The following TMEM218 variants were observed in gnomAD, a reference collection of about 807,000 sequenced individuals.
The protein encoded by TMEM218 is transmembrane protein 218.
In TMEM218, 8 loss-of-function variants were observed where a neutral mutation model predicts 10.0. The observed-to-expected ratio is 0.80, with a 90% CI of 0.47 to 1.44. The LOEUF (loss-of-function observed/expected upper bound fraction) is 1.44, where lower values mean the gene tolerates loss of function less well. Among genes scored for constraint, TMEM218 ranks in the 40% most tolerant of loss-of-function variants. The probability of loss-of-function intolerance (pLI) is 0.00; values close to 1 mark genes in which losing one functional copy is unlikely to be tolerated. For synonymous variants in TMEM218, 66 were observed against 63.5 expected (o/e 1.04, Z -0.18); for missense variants, 110 against 140.1 (o/e 0.79, Z 1.08).
At position 125,095,487 on chromosome 11, in the gene TMEM218, C is replaced by T. The variant is rs1309503976; in HGVS notation, c.*2119G>A. ...CTCAGCCTTCTACGTCTTATCCCAA[C>T]CCTGCGGGGCTTTTTTTGCATAACT... On this transcript the variant is annotated 3_prime_UTR_variant, in exon 5 of 5. Transcript: ENST00000682305. 6.6e-6 allele frequency among the ~76,000 whole-genome samples: 1 copy of T among 152,204 alleles called. No homozygotes were observed. The highest frequency in any genetic ancestry group is 1.5e-5 in the Non-Finnish European group (1 of 68,030).
At chr11:125,102,641 G>T (rs923011099) in intron 2 of TMEM218, 93 bp downstream of exon 2, 1 of 1,296,332 alleles carries the variant, frequency 7.7e-7, no homozygotes, top group Non-Finnish European at 1.0e-6. Flanking sequence ...CCCTACCTAA[G>T]AACTGGTAGA....
Position 125,096,510 on chromosome 11 carries a change from G to A in TMEM218, c.*1096C>T, listed in dbSNP as rs1292485659. ...GCTTCCATTTTTTCTACTTTAAAGTGGGGATGATAAAAATGAGACCGTTGT... is the reference window on the plus strand; with the variant it reads ...GCTTCCATTTTTTCTACTTTAAAGTAGGGATGATAAAAATGAGACCGTTGT... On this transcript the variant is annotated 3_prime_UTR_variant, in exon 5 of 5. Transcript: ENST00000682305. The A allele has an allele frequency of 2.6e-5, 4 of 152,126 alleles. No individual in the cohort carries two copies. The East Asian group carries it at 5.8e-4, about 22-fold the overall frequency. 9.4% of individuals were successfully genotyped at this position (152,126 alleles called of 1,614,324 possible). A position where few individuals can be genotyped will look rare whatever the true frequency, so the allele number is the denominator to read the frequency against.
At position 125,108,331 on chromosome 11, in the gene TMEM218, T is replaced by C. The variant is rs1487030230; in HGVS notation, c.-153+3208A>G. Reference sequence around the variant, plus strand: ...TTCAATGGGTAAAGAACTTCATAGATAGTGTTGGGACAAATGATTCTCCAA... The same window carrying C: ...TTCAATGGGTAAAGAACTTCATAGACAGTGTTGGGACAAATGATTCTCCAA... On this transcript the variant is annotated intron_variant, in intron 1 of 4. Transcript: ENST00000682305. This position sits in a 1 kb window ranked among gnomAD's most constrained non-coding sequence, Gnocchi z 5.3. Among the ~76,000 whole-genome samples, 3 of 152,160 alleles carry C rather than the reference T, an allele frequency of 2.0e-5. No homozygotes were observed. Among genetic ancestry groups the C allele is most frequent in the Non-Finnish European group, 4.4e-5 (3 of 68,018 alleles).
chr11:125,097,519 C>A lies in TMEM218; in HGVS notation c.*87G>T, dbSNP rs1949802099. ...TCTAACCTTAAGGCATGAGGGCTGT[C>A]AAAACAAGGCTCTGAATAGTGCCTT... On this transcript the variant is annotated 3_prime_UTR_variant, in exon 5 of 5. Transcript: ENST00000682305. 4.1e-6 allele frequency: 6 copies of A among 1,478,828 alleles called. No individual in the cohort carries two copies. The highest frequency in any genetic ancestry group is 5.5e-6 in the Non-Finnish European group (6 of 1,088,118). The allele number at this position is 1,478,828 out of a possible 1,614,324, so 91.6% of individuals were successfully genotyped here. A position where few individuals can be genotyped will look rare whatever the true frequency, so the allele number is the denominator to read the frequency against.
In TMEM218 at chr11:125,102,262, GC is replaced by G. The variant is rs769275992; in HGVS notation, c.-22del. 2.9e-5 allele frequency: 46 copies of G among 1,608,902 alleles called. No individual in the cohort carries two copies. In the South Asian group the frequency reaches 4.2e-4, roughly 15 times the overall value. Reference sequence around the variant, plus strand: ...GCCATCCCGCGGGGAGGCAGCGGCGGCCCCCCGCCCTGCGCGCCGCACGATC... The same window carrying G: ...GCCATCCCGCGGGGAGGCAGCGGCGGCCCCCGCCCTGCGCGCCGCACGATC... On this transcript the variant is annotated 5_prime_UTR_variant, in exon 3 of 5. Coordinates refer to ENST00000682305, the MANE Select transcript of TMEM218 (RefSeq NM_001258244.2).
intron 4 of TMEM218, among the ~76,000 whole-genome samples, chr11:125,100,189 AC>A (rs1289476626): frequency 6.6e-6 from 1 of 152,224 alleles, no homozygotes; most frequent in Non-Finnish European, 1.5e-5. Flanking sequence ...CAAAATGCTA[AC>A]CCATGAGCTC....
rs1949372404 is a variant in TMEM218, at chr11:125,094,445, TG to T, written c.*3160del. On this transcript the variant is annotated 3_prime_UTR_variant, in exon 5 of 5. Coordinates refer to ENST00000682305, the MANE Select transcript of TMEM218 (RefSeq NM_001258244.2). ...CCTTTTTGGATATGTGTTAAGAAAA[TG>T]TCAGGTACAAACAGCTAAGAAACAG... 6.6e-6 allele frequency among the ~76,000 whole-genome samples: 1 copy of T among 152,182 alleles called. No individual in the cohort carries two copies. The highest frequency in any genetic ancestry group is 6.5e-5 in the Admixed American group (1 of 15,280).
At chr11:125,110,006 G>A (rs1565441473) in intron 1 of TMEM218, among the ~76,000 whole-genome samples, 2 of 152,146 alleles carry the variant, frequency 1.3e-5, no homozygotes, top group African/African-American at 2.4e-5. Flanking sequence ...TTTAAGAATG[G>A]AGCTCATAAT....
intron 4 of TMEM218, among the ~76,000 whole-genome samples, chr11:125,100,305 A>G (rs1950500266): frequency 6.6e-6 from 1 of 152,220 alleles, no homozygotes; most frequent in Non-Finnish European, 1.5e-5. Context: ...GACCTTGGGC[A>G]AGTTACCTTA....
chr11:125,099,457 T>C (rs999107537), intron 4 of TMEM218, among the ~76,000 whole-genome samples: 1 of 152,228 alleles, frequency 6.6e-6, no homozygotes, highest in Admixed American at 6.5e-5. Flanking sequence ...CTGCCGGCCA[T>C]GCTGACAAAA....
At chr11:125,107,700 G>T (rs12295169) in intron 1 of TMEM218, among the ~76,000 whole-genome samples, 1 of 151,924 alleles carries the variant, frequency 6.6e-6, no homozygotes, top group African/African-American at 2.4e-5. Flanking sequence ...TGAGCTAGTT[G>T]TTGAAGCTGG....
Position 125,102,829 on chromosome 11 carries a change from C to T in TMEM218, c.-152-20G>A. 1.5e-6 allele frequency: 1 copy of T among 681,690 alleles called. No individual in the cohort carries two copies. Among genetic ancestry groups the T allele is most frequent in the Non-Finnish European group, 2.1e-6 (1 of 470,400 alleles). 42.2% of individuals were successfully genotyped at this position (681,690 alleles called of 1,614,324 possible). A position where few individuals can be genotyped will look rare whatever the true frequency, so the allele number is the denominator to read the frequency against. On this transcript the variant is annotated intron_variant, in intron 1 of 4. Transcript: ENST00000682305. ...CCAGTCCTTAAAGAAGAGGAACAGCCATCACTATTTTTGAACATTCACTGT... is the reference window on the plus strand; with the variant it reads ...CCAGTCCTTAAAGAAGAGGAACAGCTATCACTATTTTTGAACATTCACTGT...
chr11:125,102,232 T>C lies in TMEM218; in HGVS notation c.10A>G (p.Thr4Ala). 1 of 1,613,016 alleles carries C rather than the reference T, an allele frequency of 6.2e-7. No individual in the cohort carries two copies. The highest frequency in any genetic ancestry group is 8.5e-7 in the Non-Finnish European group (1 of 1,179,572). ...ACGCCCGCACCGACTCCGAGCACAG[T>C]GCCAGCCATCCCGCGGGGAGGCAGC... MAG[T>A]VLGVGAGVFI... The change falls in exon 3 of 5, where the codon ACT becomes GCT. Residue 4 changes from threonine (T) to alanine (A), a missense_variant. By Grantham distance (58) the Thr-to-Ala change is moderately conservative (BLOSUM62 0). Coordinates refer to ENST00000682305, the MANE Select transcript of TMEM218 (RefSeq NM_001258244.2).
intron 2 of TMEM218, 152 bp downstream of exon 2, chr11:125,102,582 C>T (rs1322587893): frequency 7.5e-7 from 1 of 1,336,708 alleles, no homozygotes; most frequent in Non-Finnish European, 9.8e-7. Context: ...CTACTTTGAC[C>T]TCTTCCCCCA....
chr11:125,108,708 A>G lies in TMEM218; in HGVS notation c.-153+2831T>C, dbSNP rs1250923357. ...ATTTACATTAGAGTTGCATTCCTGG[A>G]AATTTTACTATATTAAACTGTGCCA... On this transcript the variant is annotated intron_variant, in intron 1 of 4. Coordinates refer to ENST00000682305, the MANE Select transcript of TMEM218 (RefSeq NM_001258244.2). The surrounding 1 kb of genome is among the most constrained non-coding windows in gnomAD (Gnocchi z 5.3). Among the ~76,000 whole-genome samples the G allele has an allele frequency of 2.0e-5, 3 of 152,222 alleles. No individual in the cohort carries two copies. The highest frequency in any genetic ancestry group is 4.8e-5 in the African/African-American group (2 of 41,468).
intron 4 of TMEM218, 99 bp from the exon 5 acceptor site, chr11:125,097,839 T>C: frequency 8.5e-7 from 1 of 1,181,424 alleles, no homozygotes; most frequent in Non-Finnish European, 1.2e-6. Flanking sequence ...TTAGTTCATG[T>C]GTATAACTTC....
At chr11:125,105,946 T>C (rs1445312371) in intron 1 of TMEM218, among the ~76,000 whole-genome samples, 1 of 152,186 alleles carries the variant, frequency 6.6e-6, no homozygotes, top group Non-Finnish European at 1.5e-5. Flanking sequence ...GAAATTCTCT[T>C]AGATTTTTCT....
intron 1 of TMEM218, among the ~76,000 whole-genome samples, chr11:125,107,810 T>C (rs1952599932): frequency 6.7e-6 from 1 of 149,986 alleles, no homozygotes; most frequent in Non-Finnish European, 1.5e-5. Context: ...TATATATATA[T>C]ATATATCTGC....
rs373510622 is a variant in TMEM218, at chr11:125,103,238, C to T, written c.-152-429G>A. On this transcript the variant is annotated intron_variant, in intron 1 of 4. Coordinates refer to ENST00000682305, the MANE Select transcript of TMEM218 (RefSeq NM_001258244.2). ...GCGGCATTAGGTTCTCACAGGAGCACGAACCCTAGTGTGGACTGCACGTGC... is the reference window on the plus strand; with the variant it reads ...GCGGCATTAGGTTCTCACAGGAGCATGAACCCTAGTGTGGACTGCACGTGC... 1.1e-4 allele frequency: 17 copies of T among 153,198 alleles called. 1 individual carries two copies. The highest frequency in any genetic ancestry group is 6.1e-4 in the South Asian group (3 of 4,886). 9.5% of individuals were successfully genotyped at this position (153,198 alleles called of 1,614,324 possible). A position where few individuals can be genotyped will look rare whatever the true frequency, so the allele number is the denominator to read the frequency against.
Sources: allele counts gnomAD v4.1 joint callset (sites outside exome capture counted in the v4.1 genomes callset), GRCh38; gene constraint gnomAD v4.1.1; non-coding constraint Gnocchi (gnomAD v3.1); transcripts MANE v1.5; gene names NCBI Gene and HGNC (gene_info 2026-07-23, HGNC 2026-07-21).